Variants in MCAM observed in about 807,000 individuals in gnomAD.
The protein encoded by MCAM is cell surface glycoprotein MUC18.
Under a neutral mutation model 79.1 loss-of-function variants are expected in MCAM, and 55 were observed. The observed-to-expected ratio is 0.70, with a 90% CI of 0.56 to 0.87. The LOEUF (loss-of-function observed/expected upper bound fraction) is 0.87, where lower values mean the gene tolerates loss of function less well. Ranked by LOEUF, MCAM falls within the 40% of genes least tolerant of loss-of-function variation. The pLI is 0.00. For missense variants in MCAM, 745 were observed against 839.8 expected (o/e 0.89, Z 1.40); for synonymous variants, 330 against 339.8 (o/e 0.97, Z 0.32).
intron 5 of MCAM, chr11:119,313,680 C>T (rs866540771): frequency 4.3e-5 from 10 of 233,472 alleles, no homozygotes; most frequent in South Asian, 2.5e-4. Context: ...GGATTACAGG[C>T]GTGAGCCCAG....
At chr11:119,314,786 C>T (rs747730402) in intron 3 of MCAM, 37 bp from the exon 4 acceptor site, 5 of 1,612,782 alleles carry the variant, frequency 3.1e-6, no homozygotes, top group African/African-American at 1.3e-5. Flanking sequence ...CATCTGGCCA[C>T]GTCCCACCAC....
At chr11:119,310,725 G>A (rs1346442417) in intron 14 of MCAM, 31 bp downstream of exon 14, 11 of 1,604,396 alleles carry the variant, frequency 6.9e-6, no homozygotes, top group Non-Finnish European at 9.4e-6. Context: ...GGCAAAACGG[G>A]CGGGGGCGGA....
At chr11:119,313,452 CA>C in intron 5 of MCAM, 1 of 672,202 alleles carries the variant, frequency 1.5e-6, no homozygotes. Context: ...GGCTGGAGTG[CA>C]GTGGTACAAT....
In MCAM at chr11:119,311,561, C is replaced by A. The variant is rs377301042; in HGVS notation, c.1376G>T (p.Arg459Leu). ...GTTGACGTTCCAGGAGATGGTGGGC[C>A]GGGGGTGCCCTGACGCTTCACAAGA... Reference protein sequence around the residue: ...NLSCEASGHPRPTISWNVNGT... With the variant: ...NLSCEASGHPLPTISWNVNGT... The change falls in exon 11 of 16, where the codon CGG (arginine) becomes CTG (leucine). Residue 459 changes from arginine to leucine, a missense_variant. By Grantham distance (102) the Arg-to-Leu change is moderately radical. Transcript: ENST00000264036. This position sits in a 1 kb window ranked among gnomAD's most constrained non-coding sequence, Gnocchi z 4.4. 9.9e-6 allele frequency: 16 copies of A among 1,613,952 alleles called. No homozygotes were observed. The African/African-American group carries it at 1.9e-4, about 19-fold the overall frequency.
Position 119,316,958 on chromosome 11 carries a change from C to A in MCAM, c.67+77G>T, listed in dbSNP as rs1003295798. On this transcript the variant is annotated intron_variant, in intron 1 of 15. Transcript: ENST00000264036. The surrounding 1 kb of genome is among the most constrained non-coding windows in gnomAD (Gnocchi z 4.8). ...CAGACGCAACGCCCCGACCCCGCCG[C>A]GCCGCTGGCTCTGCTCCCTGGCACG... 7.6e-7 allele frequency: 1 copy of A among 1,318,296 alleles called. No homozygotes were observed. The allele number at this position is 1,318,296 out of a possible 1,614,324, so 81.7% of individuals were successfully genotyped here.
rs201949425 is a variant in MCAM at position 119,311,934 on chromosome 11, C to G, written c.1159G>C (p.Glu387Gln). ...WLREETGQVL[E>Q]RGPVLQLHDL... The stretch of plus-strand genomic sequence containing the variant: ...TGCAACTGAAGCACAGGCCCCCTTT[C>G]CAGCACCTGGCCTGTCTGGGATGAG... The change falls in exon 10 of 16, where the codon GAA (glutamate) becomes CAA (glutamine). Residue 387 changes from glutamate (E) to glutamine (Q), a missense_variant. Physicochemically the swap from Glu to Gln is conservative, Grantham distance 29. Coordinates refer to ENST00000264036, the MANE Select transcript of MCAM (RefSeq NM_006500.3). The surrounding 1 kb of genome is among the most constrained non-coding windows in gnomAD (Gnocchi z 4.4). The G allele has an allele frequency of 1.1e-5, 17 of 1,613,840 alleles. No homozygotes were observed. The East Asian group carries it at 3.6e-4, about 34-fold the overall frequency.
At chr11:119,313,857 TAGG>T in intron 5 of MCAM, 1 of 701,036 alleles carries the variant, frequency 1.4e-6, no homozygotes, top group Non-Finnish European at 1.8e-6. Flanking sequence ...AAGTATCTCC[TAGG>T]AGGAGGGGGT....
rs1224974156 is a variant in MCAM, at chr11:119,315,484, CAG to C, written c.68-223_68-222del. 6.9e-6 allele frequency: 4 copies of C among 580,754 alleles called. No homozygotes were observed. The highest frequency in any genetic ancestry group is 1.2e-5 in the Non-Finnish European group (4 of 328,142). The allele number at this position is 580,754 out of a possible 1,614,324, so 36.0% of individuals were successfully genotyped here. On this transcript the variant is annotated intron_variant, in intron 1 of 15. Coordinates refer to ENST00000264036, the MANE Select transcript of MCAM (RefSeq NM_006500.3). The surrounding 1 kb of genome is among the most constrained non-coding windows in gnomAD (Gnocchi z 4.4). ...TCCTTGGAGCCAAGCAGAGATTGAG[CAG>C]AGACTGAGCACCGAACAGCTCCAGC...
At position 119,316,959 on chromosome 11, in the gene MCAM, G is replaced by C. The variant is rs1033465934; in HGVS notation, c.67+76C>G. 2.3e-6 allele frequency: 3 copies of C among 1,321,798 alleles called. No individual in the cohort carries two copies. The highest frequency in any genetic ancestry group is 1.0e-6 in the Non-Finnish European group (1 of 975,242). 81.9% of individuals were successfully genotyped at this position (1,321,798 alleles called of 1,614,324 possible). A position where few individuals can be genotyped will look rare whatever the true frequency, so the allele number is the denominator to read the frequency against. On this transcript the variant is annotated intron_variant, in intron 1 of 15. Coordinates refer to ENST00000264036, the MANE Select transcript of MCAM (RefSeq NM_006500.3). The surrounding 1 kb of genome is among the most constrained non-coding windows in gnomAD (Gnocchi z 4.8). The stretch of plus-strand genomic sequence containing the variant: ...AGACGCAACGCCCCGACCCCGCCGC[G>C]CCGCTGGCTCTGCTCCCTGGCACGC...
chr11:119,312,134 T>A lies in MCAM; in HGVS notation c.1061A>T (p.Glu354Val). Residue 354 changes from glutamate to valine, a missense_variant, in exon 9 of 16, where the codon GAG becomes GTG. By Grantham distance (121) the Glu-to-Val change is moderately radical. Coordinates refer to ENST00000264036, the MANE Select transcript of MCAM (RefSeq NM_006500.3). This position sits in a 1 kb window ranked among gnomAD's most constrained non-coding sequence, Gnocchi z 4.9. ...SDVRVSPAAP[E>V]RQEGSSLTLT... ...GGTGAGGCTGCTGCCTTCCTGTCTC[T>A]CAGGGGCTGCGGGACTCACTCGGAC... is the stretch of plus-strand genomic sequence containing the variant. 1.2e-6 allele frequency: 2 copies of A among 1,613,494 alleles called. No homozygotes were observed. Among genetic ancestry groups the A allele is most frequent in the Non-Finnish European group, 1.7e-6 (2 of 1,179,762 alleles).
chr11:119,317,102 G>A lies in MCAM; in HGVS notation c.-1C>T. On this transcript the variant is annotated 5_prime_UTR_variant, in exon 1 of 16. Transcript: ENST00000264036. This position sits in a 1 kb window ranked among gnomAD's most constrained non-coding sequence, Gnocchi z 6.2. The stretch of plus-strand genomic sequence containing the variant: ...CGCAGACCAGCCTGGGAAGCCCCAT[G>A]CTTCCCGGCCGGAGGGCGAGAGCCA... The A allele has an allele frequency of 2.0e-6, 3 of 1,525,984 alleles. No individual in the cohort carries two copies. The highest frequency in any genetic ancestry group is 8.8e-7 in the Non-Finnish European group (1 of 1,140,866). The allele number at this position is 1,525,984 out of a possible 1,614,324, so 94.5% of individuals were successfully genotyped here. A position where few individuals can be genotyped will look rare whatever the true frequency, so the allele number is the denominator to read the frequency against.
At position 119,312,300 on chromosome 11, in the gene MCAM, C is replaced by T. The variant is rs144920928; in HGVS notation, c.990G>A (p.Ser330=). The part of the protein sequence containing the change: ...CQGLDLDTMI[S]LLSEPQELLV... ...GTAGTTCCTGTGGTTCACTCAGCAG[C>T]GATATCATGGTGTCCAAGTCCAGGC... The change falls in exon 8 of 16, where the codon TCG becomes TCA. Residue 330 remains serine (S), a synonymous_variant. Coordinates refer to ENST00000264036, the MANE Select transcript of MCAM (RefSeq NM_006500.3). The surrounding 1 kb of genome is among the most constrained non-coding windows in gnomAD (Gnocchi z 4.9). The T allele has an allele frequency of 1.3e-4, 207 of 1,614,110 alleles. No individual in the cohort carries two copies. The African/African-American group carries it at 1.5e-3, about 11-fold the overall frequency.
chr11:119,310,626 G>A, intron 14 of MCAM, 130 bp downstream of exon 14: 1 of 1,144,202 alleles, frequency 8.7e-7, no homozygotes, highest in Non-Finnish European at 1.3e-6. Context: ...AAGCTGGGCA[G>A]TGGGTAGTGG....
rs1451002830 is a variant in MCAM, at chr11:119,316,040, G to C, written c.68-777C>G. ...GTGGGGTCTCCAACCCAGAGCCTCA[G>C]ACCCCTGACTCCTCCCAGAGCTAGA... On this transcript the variant is annotated intron_variant, in intron 1 of 15. Transcript: ENST00000264036. This position sits in a 1 kb window ranked among gnomAD's most constrained non-coding sequence, Gnocchi z 4.8. 6.6e-6 allele frequency: 1 copy of C among 152,462 alleles called. No homozygotes were observed. Among genetic ancestry groups the C allele is most frequent in the East Asian group, 1.9e-4 (1 of 5,202 alleles). 9.4% of individuals were successfully genotyped at this position (152,462 alleles called of 1,614,324 possible). A position where few individuals can be genotyped will look rare whatever the true frequency, so the allele number is the denominator to read the frequency against.
intron 5 of MCAM, 130 bp from the exon 6 acceptor site, chr11:119,313,079 A>G (rs1338209570): frequency 7.7e-6 from 12 of 1,548,516 alleles, no homozygotes; most frequent in Non-Finnish European, 1.0e-5. Context: ...CCAGGTACAA[A>G]TGCAAGCTGG....
chr11:119,311,256 C>T lies in MCAM; in HGVS notation c.1549+24G>A. 6.2e-7 allele frequency: 1 copy of T among 1,613,892 alleles called. No homozygotes were observed. Among genetic ancestry groups the T allele is most frequent in the Non-Finnish European group, 8.5e-7 (1 of 1,179,792 alleles). On this transcript the variant is annotated intron_variant, in intron 12 of 15. Transcript: ENST00000264036. This position sits in a 1 kb window ranked among gnomAD's most constrained non-coding sequence, Gnocchi z 4.4. ...CCGTGCCTGGGCCTGCCCCTGCCATCCCCTGCAGGGATGCAGCCCTCACCC... is the reference window on the plus strand; with the variant it reads ...CCGTGCCTGGGCCTGCCCCTGCCATTCCCTGCAGGGATGCAGCCCTCACCC...
rs768060089 is a variant in MCAM, at chr11:119,311,778, C to T, written c.1285+30G>A. ...TTAAAAACCACCCCACTTGGGGTGA[C>T]CTGGTCTCTACCCAGAGGGAGGGCC... On this transcript the variant is annotated intron_variant, in intron 10 of 15. Transcript: ENST00000264036. The surrounding 1 kb of genome is among the most constrained non-coding windows in gnomAD (Gnocchi z 4.4). 7.4e-6 allele frequency: 12 copies of T among 1,612,824 alleles called. No homozygotes were observed. Among genetic ancestry groups the T allele is most frequent in the Non-Finnish European group, 1.0e-5 (12 of 1,179,362 alleles).
Position 119,316,992 on chromosome 11 carries a change from C to T in MCAM, c.67+43G>A. 1 of 1,496,838 alleles carries T rather than the reference C, an allele frequency of 6.7e-7. No homozygotes were observed. Among genetic ancestry groups the T allele is most frequent in the Non-Finnish European group, 8.9e-7 (1 of 1,117,938 alleles). The allele number at this position is 1,496,838 out of a possible 1,614,324, so 92.7% of individuals were successfully genotyped here. Reference sequence around the variant, plus strand: ...CTCTGCTCCCTGGCACGCTCCACCGCAGACCCCTAGCCGGGGCGCGGCCCC... The same window carrying T: ...CTCTGCTCCCTGGCACGCTCCACCGTAGACCCCTAGCCGGGGCGCGGCCCC... On this transcript the variant is annotated intron_variant, in intron 1 of 15. Coordinates refer to ENST00000264036, the MANE Select transcript of MCAM (RefSeq NM_006500.3). This position sits in a 1 kb window ranked among gnomAD's most constrained non-coding sequence, Gnocchi z 4.8.
chr11:119,311,211 G>A lies in MCAM; in HGVS notation c.1550-26C>T. ...CTAGGAGGCAGAGGGAGGGGTGTTA[G>A]GAGAAGCGCAAGTTACTGCCCGTGC... On this transcript the variant is annotated intron_variant, in intron 12 of 15. Transcript: ENST00000264036. The surrounding 1 kb of genome is among the most constrained non-coding windows in gnomAD (Gnocchi z 4.4). 1 of 1,613,442 alleles carries A rather than the reference G, an allele frequency of 6.2e-7. No homozygotes were observed. The highest frequency in any genetic ancestry group is 2.2e-5 in the East Asian group (1 of 44,842).
Sources: gnomAD v4.1 joint callset for allele counts on GRCh38, gnomAD v4.1.1 for gene constraint, Gnocchi (gnomAD v3.1) non-coding constraint, MANE v1.5 for transcripts, NCBI Gene and HGNC (gene_info 2026-07-23, HGNC 2026-07-21) for gene names.